The following ADGRF1 variants were observed in gnomAD, a reference collection of about 807,000 sequenced individuals.
ADGRF1 encodes adhesion G protein-coupled receptor F1, also known as G protein-coupled receptor 110.
ADGRF1 carries 85 observed loss-of-function variants against 87.2 expected under a neutral mutation model. That is an observed-to-expected ratio of 0.97 (90% CI 0.82 to 1.17). The LOEUF (loss-of-function observed/expected upper bound fraction) is 1.17, where lower values mean the gene tolerates loss of function less well. Among genes scored for constraint, ADGRF1 ranks in the 50% most tolerant of loss-of-function variants. The pLI, the probability that ADGRF1 is intolerant of heterozygous loss-of-function variation, is 0.00. For missense variants in ADGRF1, 1,169 were observed against 1,077.2 expected, an observed-to-expected ratio of 1.09 and a Z score of -1.19; for synonymous variants, 430 against 408.8, an observed-to-expected ratio of 1.05 and a Z score of -0.63.
chr6:47,024,884 A>G (rs994549306), intron 4 of ADGRF1, among the ~76,000 whole-genome samples: 8 of 152,240 alleles, frequency 5.3e-5, no homozygotes, highest in East Asian at 1.9e-4. Context: ...TACCCCATAC[A>G]TAGCCACTGC....
chr6:47,005,958 G>T, intron 12 of ADGRF1, 82 bp from the exon 13 acceptor site: 1 of 815,744 alleles, frequency 1.2e-6, no homozygotes, highest in South Asian at 1.7e-5. Context: ...AGGTTGAAAT[G>T]GTTATTTAAT....
intron 3 of ADGRF1, 117 bp downstream of exon 3, chr6:47,027,587 T>C (rs1780277077): frequency 1.5e-6 from 1 of 666,108 alleles, no homozygotes; most frequent in Non-Finnish European, 2.7e-6. Flanking sequence ...TTGTACATAT[T>C]TGGATGTTTA....
chr6:47,020,551 A>C, intron 7 of ADGRF1, 180 bp downstream of exon 7: 2 of 1,508,620 alleles, frequency 1.3e-6, no homozygotes, highest in Non-Finnish European at 1.8e-6. Flanking sequence ...GTGAGAATCT[A>C]GGCTTTACTC....
chr6:47,028,044 C>A (rs1295207772), intron 2 of ADGRF1, among the ~76,000 whole-genome samples: 1 of 152,042 alleles, frequency 6.6e-6, no homozygotes, highest in African/African-American at 2.4e-5. Context: ...TCTGGGGAGG[C>A]AGGTTGTGCA....
At chr6:47,041,071 A>G (rs1479058164) in intron 1 of ADGRF1, among the ~76,000 whole-genome samples, 2 of 152,248 alleles carry the variant, frequency 1.3e-5, no homozygotes, top group Non-Finnish European at 2.9e-5. Context: ...TCCTATTTCC[A>G]ATCTTAACGC....
intron 11 of ADGRF1, among the ~76,000 whole-genome samples, chr6:47,008,582 T>C (rs933874426): frequency 2.0e-5 from 3 of 152,300 alleles, no homozygotes; most frequent in East Asian, 3.9e-4. Context: ...GGAAATTCCT[T>C]TGCACCATTC....
chr6:47,033,188 G>A (rs1379390989), intron 1 of ADGRF1, among the ~76,000 whole-genome samples: 2 of 152,204 alleles, frequency 1.3e-5, no homozygotes, highest in Non-Finnish European at 2.9e-5. Context: ...GCAGCTGTGT[G>A]GGCACCAGCT....
At chr6:47,026,271 T>A (rs1217541195) in intron 3 of ADGRF1, among the ~76,000 whole-genome samples, 1 of 151,904 alleles carries the variant, frequency 6.6e-6, no homozygotes, top group Admixed American at 6.6e-5. Context: ...CCAGAATCAC[T>A]CTCCCAATGT....
chr6:47,018,393 G>A (rs143182768), intron 7 of ADGRF1: 56 of 1,272,052 alleles, frequency 4.4e-5, no homozygotes, highest in South Asian at 1.5e-4. Context: ...CGGAAGTTCC[G>A]CAGCTCAAAT....
chr6:47,000,037 T>A lies in ADGRF1; in HGVS notation c.*185A>T. 1 of 526,756 alleles carries A rather than the reference T, an allele frequency of 1.9e-6. No individual in the cohort carries two copies. The highest frequency in any genetic ancestry group is 3.4e-6 in the Non-Finnish European group (1 of 293,664). The allele number at this position is 526,756 out of a possible 1,614,324, so 32.6% of individuals were successfully genotyped here. On this transcript the variant is annotated 3_prime_UTR_variant, in exon 15 of 15. Transcript: ENST00000371253. Reference sequence around the variant, plus strand: ...TTGAATCAAATCACATGGAAATAAATCTTCTTTTCATTTAATTGAAGACAA... The same window carrying A: ...TTGAATCAAATCACATGGAAATAAAACTTCTTTTCATTTAATTGAAGACAA...
At chr6:47,028,357 A>G (rs1780306634) in intron 2 of ADGRF1, among the ~76,000 whole-genome samples, 1 of 152,190 alleles carries the variant, frequency 6.6e-6, no homozygotes, top group South Asian at 2.1e-4. Context: ...TGGTTTAGAT[A>G]TGGAATGTGA....
At chr6:47,033,886 C>A (rs1310454681) in intron 1 of ADGRF1, among the ~76,000 whole-genome samples, 7 of 152,190 alleles carry the variant, frequency 4.6e-5, no homozygotes, top group Admixed American at 2.6e-4. Flanking sequence ...TAGCCACTTC[C>A]ATCTTTGGAA....
At chr6:47,029,519 T>A (rs1780346276) in intron 1 of ADGRF1, among the ~76,000 whole-genome samples, 1 of 152,210 alleles carries the variant, frequency 6.6e-6, no homozygotes, top group South Asian at 2.1e-4. Context: ...ATTTGAGTGT[T>A]TAAGCATATA....
chr6:47,042,228 C>A lies in ADGRF1; in HGVS notation c.-81G>T, dbSNP rs191319733. ...CTCTTCACACCAGAACTCGAGGGAG[C>A]CCTTCCTTCAGTATACTTGTGGCTC... On this transcript the variant is annotated 5_prime_UTR_variant, in exon 1 of 15. Transcript: ENST00000371253. The A allele has an allele frequency of 6.6e-6, 1 of 152,072 alleles. No individual in the cohort carries two copies. The highest frequency in any genetic ancestry group is 2.4e-5 in the African/African-American group (1 of 41,404). The allele number at this position is 152,072 out of a possible 1,614,324, so 9.4% of individuals were successfully genotyped here.
chr6:47,022,156 C>A, intron 5 of ADGRF1, 98 bp from the exon 6 acceptor site: 1 of 696,560 alleles, frequency 1.4e-6, no homozygotes, highest in South Asian at 1.8e-5. Flanking sequence ...GTCATCTATT[C>A]AACAGTGATG....
In ADGRF1 at chr6:47,039,186, G is replaced by C. The variant is rs187305208; in HGVS notation, c.-44+3005C>G. Among the ~76,000 whole-genome samples, 541 of 152,284 alleles carry C rather than the reference G, an allele frequency of 3.6e-3. 2 individuals carry two copies. Among genetic ancestry groups the C allele is most frequent in the Non-Finnish European group, 4.2e-3 (288 of 68,022 alleles). The stretch of plus-strand genomic sequence containing the variant: ...TAAGGACTTTAAAGTCTTTAGATTT[G>C]TGGACCTCTGGAGATTAAAAACTGA... On this transcript the variant is annotated intron_variant, in intron 1 of 14. Transcript: ENST00000371253.
intron 11 of ADGRF1, among the ~76,000 whole-genome samples, chr6:47,008,700 CAGA>C (rs1240108446): frequency 1.3e-5 from 2 of 152,172 alleles, no homozygotes; most frequent in African/African-American, 4.8e-5. Flanking sequence ...GATTATTTGC[CAGA>C]AGAACTCTAA....
intron 4 of ADGRF1, 64 bp from the exon 5 acceptor site, chr6:47,024,281 T>TAGTCA: frequency 8.7e-7 from 1 of 1,150,524 alleles, no homozygotes; most frequent in Non-Finnish European, 1.3e-6. Context: ...TGCTGAGCAG[T>TAGTCA]GATTTTATTT....
In ADGRF1 at chr6:47,042,044, G is replaced by A. The variant is rs940181516; in HGVS notation, c.-44+147C>T. 3.3e-5 allele frequency: 5 copies of A among 152,082 alleles called. No homozygotes were observed. In the East Asian group the frequency reaches 7.7e-4, roughly 24 times the overall value. The allele number at this position is 152,082 out of a possible 1,614,324, so 9.4% of individuals were successfully genotyped here. A position where few individuals can be genotyped will look rare whatever the true frequency, so the allele number is the denominator to read the frequency against. ...TTCTGCTCATTGCTTTTTCAACTCTGTTCCCTTATTTAACCATCTTCAGGA... is the reference window on the plus strand; with the variant it reads ...TTCTGCTCATTGCTTTTTCAACTCTATTCCCTTATTTAACCATCTTCAGGA... On this transcript the variant is annotated intron_variant, in intron 1 of 14. Coordinates refer to ENST00000371253, the MANE Select transcript of ADGRF1 (RefSeq NM_153840.4).
Sources: allele counts gnomAD v4.1 joint callset (sites outside exome capture counted in the v4.1 genomes callset), GRCh38; gene constraint gnomAD v4.1.1; transcripts MANE v1.5; gene names NCBI Gene and HGNC (gene_info 2026-07-23, HGNC 2026-07-21).